MAP2K2: variants seen among roughly 807,000 people sequenced by gnomAD.
The protein encoded by MAP2K2 is dual specificity mitogen-activated protein kinase kinase 2.
In MAP2K2, 24 loss-of-function variants were observed where a neutral mutation model predicts 43.7. The ratio of observed to expected loss-of-function variants is 0.55; its 90% CI spans 0.40 to 0.77. The LOEUF is 0.77. Among genes scored for constraint, MAP2K2 ranks in the 30% least tolerant of loss-of-function variants. The probability of loss-of-function intolerance (pLI) is 0.00; values close to 1 mark genes in which losing one functional copy is unlikely to be tolerated. For missense variants in MAP2K2, 470 were observed against 566.8 expected (o/e 0.83, Z 1.73); for synonymous variants, 244 against 239.7 (o/e 1.02, Z -0.17).
chr19:4,097,197 ACT>A (rs1356919275), intron 8 of MAP2K2, 80 bp downstream of exon 8: 7 of 984,468 alleles, frequency 7.1e-6, no homozygotes, highest in South Asian at 4.6e-5. Context: ...TCAGAGAGAG[ACT>A]CTGCCTAAAA....
intron 3 of MAP2K2, among the ~76,000 whole-genome samples, chr19:4,103,975 G>A (rs2041051264): frequency 1.3e-5 from 2 of 152,128 alleles, no homozygotes; most frequent in South Asian, 4.1e-4. Flanking sequence ...AAATGAGGCC[G>A]GACATGGGCT....
intron 9 of MAP2K2, chr19:4,095,114 C>T (rs2145042994): frequency 2.3e-6 from 1 of 440,384 alleles, no homozygotes; most frequent in Non-Finnish European, 4.2e-6. Context: ...AGAGGCTTCT[C>T]CTGCTGCAGA....
At chr19:4,099,161 A>T (rs2040962847) in intron 7 of MAP2K2, 40 bp downstream of exon 7, 16 of 1,517,284 alleles carry the variant, frequency 1.1e-5, no homozygotes, top group Non-Finnish European at 1.3e-5. Flanking sequence ...CGCGCAGGGC[A>T]CTGCGCGTCC....
chr19:4,116,256 C>T (rs552266800), intron 2 of MAP2K2, among the ~76,000 whole-genome samples: 12 of 152,312 alleles, frequency 7.9e-5, no homozygotes, highest in African/African-American at 1.7e-4. Context: ...CCTGCCCAGG[C>T]GCGGTGGCTC....
Position 4,103,131 on chromosome 19 carries a change from C to T in MAP2K2, c.451-678G>A, listed in dbSNP as rs146138014. ...TGGACTGCAGGAGGGATCCCAGTGA[C>T]GCCAGCCCAGGTGACGGTAACCTCG... On this transcript the variant is annotated intron_variant, in intron 3 of 10. Coordinates refer to ENST00000262948, the MANE Select transcript of MAP2K2 (RefSeq NM_030662.4). 2.1e-4 allele frequency: 213 copies of T among 993,232 alleles called. 1 individual carries two copies. In the African/African-American group the frequency reaches 3.5e-3, roughly 16 times the overall value. The allele number at this position is 993,232 out of a possible 1,614,324, so 61.5% of individuals were successfully genotyped here. A position where few individuals can be genotyped will look rare whatever the true frequency, so the allele number is the denominator to read the frequency against.
In MAP2K2 at chr19:4,115,384, A is replaced by T. The variant is rs1445521215; in HGVS notation, c.303+2035T>A. On this transcript the variant is annotated intron_variant, in intron 2 of 10. Coordinates refer to ENST00000262948, the MANE Select transcript of MAP2K2 (RefSeq NM_030662.4). This position sits in a 1 kb window ranked among gnomAD's most constrained non-coding sequence, Gnocchi z 4.1. ...TGCTGATACAGCAAGCATTGGGTTC[A>T]TGTCCACTGCCCAGCCCATCAGGGA... Among the ~76,000 whole-genome samples, 1 of 152,180 alleles carries T rather than the reference A, an allele frequency of 6.6e-6. No homozygotes were observed. Among genetic ancestry groups the T allele is most frequent in the Non-Finnish European group, 1.5e-5 (1 of 68,038 alleles).
chr19:4,094,812 C>T (rs2040892742), intron 9 of MAP2K2: 1 of 466,182 alleles, frequency 2.1e-6, no homozygotes, highest in Non-Finnish European at 3.9e-6. Context: ...AACCCCAGGC[C>T]CGGGGCAACA....
intron 3 of MAP2K2, 73 bp downstream of exon 3, chr19:4,110,436 G>A (rs1325662273): frequency 1.3e-6 from 2 of 1,583,082 alleles, no homozygotes; most frequent in African/African-American, 2.7e-5. Flanking sequence ...GGGCCGTGAG[G>A]GGGTCTTCCT....
chr19:4,104,001 C>T (rs998753311), intron 3 of MAP2K2, among the ~76,000 whole-genome samples: 2 of 152,160 alleles, frequency 1.3e-5, no homozygotes, highest in African/African-American at 2.4e-5. Context: ...CGGTGACTCA[C>T]GCCTGTAATG....
chr19:4,122,742 C>T (rs2041317362), intron 1 of MAP2K2, among the ~76,000 whole-genome samples: 1 of 151,312 alleles, frequency 6.6e-6, no homozygotes, highest in Admixed American at 6.6e-5. Flanking sequence ...CACCATCTCC[C>T]CGATTTCACT....
Position 4,110,625 on chromosome 19 carries a change from G to A in MAP2K2, c.334C>T (p.Arg112Trp), listed in dbSNP as rs201129499. 12 of 1,613,540 alleles carry A rather than the reference G, an allele frequency of 7.4e-6. No individual in the cohort carries two copies. The highest frequency in any genetic ancestry group is 1.7e-5 in the Admixed American group (1 of 60,008). The change falls in exon 3 of 11, where the codon CGG (arginine) becomes TGG (tryptophan). Residue 112 changes from arginine to tryptophan, a missense_variant. Arg to Trp is a moderately radical substitution (Grantham distance 101, BLOSUM62 -3). This residue lies in a region of MAP2K2 where 200 missense variants were observed against 297.9 expected (regional missense o/e 0.67). Coordinates refer to ENST00000262948, the MANE Select transcript of MAP2K2 (RefSeq NM_030662.4). Reference protein sequence around the residue: ...LIHLEIKPAIRNQIIRELQVL... With the variant: ...LIHLEIKPAIWNQIIRELQVL... The stretch of plus-strand genomic sequence containing the variant: ...TGCAGCTCGCGGATGATCTGGTTCC[G>A]GATGGCCGGCTTGATCTCAAGGTGG...
At chr19:4,098,805 G>T (rs560181095) in intron 7 of MAP2K2, among the ~76,000 whole-genome samples, 19 of 152,394 alleles carry the variant, frequency 1.2e-4, no homozygotes, top group Middle Eastern at 3.4e-3. Context: ...TCCCTGGAAG[G>T]CTTGGCCCGC....
At chr19:4,103,652 G>A (rs545176149) in intron 3 of MAP2K2, among the ~76,000 whole-genome samples, 4 of 152,174 alleles carry the variant, frequency 2.6e-5, no homozygotes, top group Non-Finnish European at 4.4e-5. Flanking sequence ...GGGAGGAGCC[G>A]GGGGAGAAAT....
At chr19:4,113,605 T>C (rs1419089715) in intron 2 of MAP2K2, among the ~76,000 whole-genome samples, 2 of 152,190 alleles carry the variant, frequency 1.3e-5, no homozygotes, top group Non-Finnish European at 2.9e-5. Context: ...CGGGGAACAC[T>C]GGAGCCCGTA....
At chr19:4,092,062 G>T (rs1348116139) in intron 10 of MAP2K2, among the ~76,000 whole-genome samples, 3 of 152,212 alleles carry the variant, frequency 2.0e-5, no homozygotes, top group Non-Finnish European at 4.4e-5. Context: ...TGCCCTTGGG[G>T]AAGAGGCTGT....
intron 10 of MAP2K2, among the ~76,000 whole-genome samples, chr19:4,093,804 C>G (rs1298833295): frequency 6.6e-6 from 1 of 152,128 alleles, no homozygotes; most frequent in Admixed American, 6.6e-5. Flanking sequence ...AACGGGCTGT[C>G]TAGGGGGGTG....
At chr19:4,120,663 C>T (rs142038521) in intron 1 of MAP2K2, among the ~76,000 whole-genome samples, 3,561 of 152,272 alleles carry the variant, frequency 0.023, 99 homozygotes, top group Admixed American at 0.066. Flanking sequence ...TCAAGTACTG[C>T]TCAAAACATT....
At chr19:4,122,139 C>G (rs1452765450) in intron 1 of MAP2K2, among the ~76,000 whole-genome samples, 2 of 139,182 alleles carry the variant, frequency 1.4e-5, no homozygotes, top group Non-Finnish European at 3.2e-5. Context: ...GTGCTGCACT[C>G]TCAACCTGTG....
chr19:4,094,848 G>A (rs1294624976), intron 9 of MAP2K2: 5 of 428,140 alleles, frequency 1.2e-5, no homozygotes, highest in Non-Finnish European at 2.2e-5. Flanking sequence ...CCAAGGGCCC[G>A]GGGCAACTCC....
Sources: gnomAD v4.1 joint callset for allele counts (sites outside exome capture counted in the v4.1 genomes callset) on GRCh38, gnomAD v4.1.1 for gene constraint, gnomAD v4.1.1 regional missense constraint, Gnocchi (gnomAD v3.1) non-coding constraint, MANE v1.5 for transcripts, NCBI Gene and HGNC (gene_info 2026-07-23, HGNC 2026-07-21) for gene names.